The following ITPR1 variants were observed in gnomAD, a reference collection of about 807,000 sequenced individuals.
The protein encoded by ITPR1 is inositol 1,4,5-trisphosphate receptor type 1, also known as inositol 1,4,5-trisphosphate-gated calcium channel ITPR1.
Under a neutral mutation model 318.4 loss-of-function variants are expected in ITPR1, and 96 were observed. The ratio of observed to expected loss-of-function variants is 0.30; its 90% CI spans 0.26 to 0.36. The LOEUF (loss-of-function observed/expected upper bound fraction) is 0.36. Ranked by LOEUF, ITPR1 falls within the 10% of genes least tolerant of loss-of-function variation. The probability of loss-of-function intolerance (pLI) is 1.00; values close to 1 mark genes in which losing one functional copy is unlikely to be tolerated. For synonymous variants in ITPR1, 1,312 were observed against 1,289.9 expected, an observed-to-expected ratio of 1.02 and a Z score of -0.37; for missense variants, 2,440 against 3,460.2, an observed-to-expected ratio of 0.71 and a Z score of 7.40.
intron 17 of ITPR1, among the ~76,000 whole-genome samples, chr3:4,666,503 T>C (rs1251727418): frequency 6.6e-6 from 1 of 152,238 alleles, no homozygotes; most frequent in East Asian, 1.9e-4. Context: ...TTGGAATTGC[T>C]GGATTAGACA....
intron 4 of ITPR1, among the ~76,000 whole-genome samples, chr3:4,601,198 T>G (rs2091252769): frequency 9.2e-6 from 1 of 108,136 alleles, no homozygotes; most frequent in South Asian, 3.2e-4. Context: ...TTTTTGGCAC[T>G]GGGGCAACTG....
chr3:4,520,851 T>TGGATTA (rs1410956312), intron 3 of ITPR1, among the ~76,000 whole-genome samples, 173 bp from the exon 4 acceptor site: 1 of 152,214 alleles, frequency 6.6e-6, no homozygotes, highest in Non-Finnish European at 1.5e-5. Flanking sequence ...CCTGGGCTTT[T>TGGATTA]GGATTAGGTT....
intron 4 of ITPR1, among the ~76,000 whole-genome samples, chr3:4,569,164 GC>G (rs2125033180): frequency 6.6e-6 from 1 of 152,222 alleles, no homozygotes; most frequent in Admixed American, 6.5e-5. Flanking sequence ...TCTTCAAGGC[GC>G]ATGGACTTTT....
chr3:4,701,570 T>A (rs892799561), intron 35 of ITPR1, among the ~76,000 whole-genome samples: 1 of 152,198 alleles, frequency 6.6e-6, no homozygotes, highest in Non-Finnish European at 1.5e-5. Context: ...AAGAAGGCAA[T>A]GAGATTCTGG....
At chr3:4,775,088 T>C (rs2046405633) in intron 46 of ITPR1, among the ~76,000 whole-genome samples, 154 bp from the exon 47 acceptor site, 1 of 152,198 alleles carries the variant, frequency 6.6e-6, no homozygotes, top group East Asian at 1.9e-4. Context: ...ATCATCATGG[T>C]GGTGGGGGGC....
chr3:4,645,417 A>G lies in ITPR1; in HGVS notation c.655A>G (p.Lys219Glu). 2 of 1,613,548 alleles carry G rather than the reference A, an allele frequency of 1.2e-6. No homozygotes were observed. The highest frequency in any genetic ancestry group is 1.7e-6 in the Non-Finnish European group (2 of 1,179,570). ...VNSVNCNTSW[K>E]IVLFMKWSDN... ...TTCCGTCAACTGCAATACAAGCTGG[A>G]AAATAGTCCTTTTCATGAAATGGAG... Residue 219 changes from lysine to glutamate, a missense_variant, in exon 9 of 62, where the codon AAA becomes GAA. Around this residue, in one of 23 missense-constraint regions of ITPR1, gnomAD observed 186 missense variants for 323.9 expected, o/e 0.57. Transcript: ENST00000649015.
intron 4 of ITPR1, among the ~76,000 whole-genome samples, chr3:4,528,006 G>T (rs150420764): frequency 5.3e-5 from 8 of 152,306 alleles, no homozygotes; most frequent in African/African-American, 1.4e-4. Context: ...ATGCTTGAGT[G>T]ATAAGAAACA....
At chr3:4,669,017 G>A (rs1375686952) in intron 18 of ITPR1, among the ~76,000 whole-genome samples, 1 of 152,116 alleles carries the variant, frequency 6.6e-6, no homozygotes, top group Non-Finnish European at 1.5e-5. Flanking sequence ...TACAATGTGG[G>A]TGTCACAAAT....
chr3:4,637,963 G>A (rs757982726), intron 5 of ITPR1, among the ~76,000 whole-genome samples: 11 of 152,160 alleles, frequency 7.2e-5, no homozygotes, highest in Non-Finnish European at 1.5e-4. Flanking sequence ...TGGCAATTAT[G>A]TGTCTGGCAT....
rs68165287 is a variant in ITPR1, at chr3:4,601,175, C to CTTTTTTTTTTT, written c.164-26581_164-26571dup. ...GAACAATTAAATGGGGAAAAATATT[C>CTTTTTTTTTTT]TTTTTTTTTTTTTTTTTGGCACTGG... On this transcript the variant is annotated intron_variant, in intron 4 of 61. Transcript: ENST00000649015. Among the ~76,000 whole-genome samples the CTTTTTTTTTTT allele has an allele frequency of 1.7e-5, 2 of 119,746 alleles. 1 individual carries two copies. Among genetic ancestry groups the CTTTTTTTTTTT allele is most frequent in the South Asian group, 5.5e-4 (2 of 3,650 alleles). 78.6% of individuals were successfully genotyped at this position (119,746 alleles called of 152,430 possible).
intron 16 of ITPR1, 141 bp from the exon 17 acceptor site, chr3:4,664,997 G>A (rs1336987453): frequency 2.5e-6 from 2 of 799,842 alleles, no homozygotes; most frequent in Middle Eastern, 3.6e-4. Flanking sequence ...GCTGAATGCA[G>A]TGTTCAGGTT....
intron 44 of ITPR1, among the ~76,000 whole-genome samples, chr3:4,753,368 C>G (rs542855010): frequency 6.6e-6 from 1 of 152,224 alleles, no homozygotes; most frequent in Non-Finnish European, 1.5e-5. Context: ...CGCCAAAGCC[C>G]TAATATACAA....
At chr3:4,756,345 T>C (rs1262111213) in intron 44 of ITPR1, among the ~76,000 whole-genome samples, 5 of 152,186 alleles carry the variant, frequency 3.3e-5, no homozygotes, top group African/African-American at 1.2e-4. Context: ...ACTTTTACTT[T>C]AGGTTTGAGG....
chr3:4,614,008 A>C (rs1433589191), intron 4 of ITPR1, among the ~76,000 whole-genome samples: 1 of 152,072 alleles, frequency 6.6e-6, no homozygotes, highest in Non-Finnish European at 1.5e-5. Flanking sequence ...TAATGCTGTC[A>C]CTCTAGTTGC....
At chr3:4,609,113 G>T (rs1374101230) in intron 4 of ITPR1, among the ~76,000 whole-genome samples, 3 of 114,564 alleles carry the variant, frequency 2.6e-5, no homozygotes, top group African/African-American at 9.5e-5. Flanking sequence ...TGTCAGTGGT[G>T]GTGTTGAGAC....
At chr3:4,581,292 G>T (rs761418904) in intron 4 of ITPR1, among the ~76,000 whole-genome samples, 1 of 152,180 alleles carries the variant, frequency 6.6e-6, no homozygotes, top group African/African-American at 2.4e-5. Context: ...TCAGAAGGCG[G>T]TCTGCATGAT....
intron 4 of ITPR1, among the ~76,000 whole-genome samples, chr3:4,601,481 TG>T (rs1204701207): frequency 2.1e-5 from 3 of 145,396 alleles, no homozygotes; most frequent in Non-Finnish European, 4.5e-5. Flanking sequence ...GCCTGGGCAA[TG>T]GAGTGAGACC....
intron 10 of ITPR1, among the ~76,000 whole-genome samples, chr3:4,651,703 C>A (rs7616864): frequency 0.81 from 123,512 of 152,230 alleles, 50,930 homozygotes; most frequent in East Asian, 1. Context: ...ACATTGGCCC[C>A]GGCTCTGAGT....
chr3:4,725,104 G>T (rs990824609), intron 40 of ITPR1, among the ~76,000 whole-genome samples: 1 of 151,938 alleles, frequency 6.6e-6, no homozygotes, highest in Admixed American at 6.6e-5. Context: ...CATGTGGCAC[G>T]TGGAACTTTC....
Sources: gnomAD v4.1 joint callset for allele counts (sites outside exome capture counted in the v4.1 genomes callset) on GRCh38, gnomAD v4.1.1 for gene constraint, gnomAD v4.1.1 regional missense constraint, MANE v1.5 for transcripts, NCBI Gene and HGNC (gene_info 2026-07-23, HGNC 2026-07-21) for gene names.